The following COPS2 variants were observed in gnomAD, a reference collection of about 807,000 sequenced individuals.
COPS2 encodes COP9 signalosome complex subunit 2.
A neutral mutation model predicts 66.1 loss-of-function variants in COPS2; 10 were observed. That is an observed-to-expected ratio of 0.15 (90% CI 0.09 to 0.26). COPS2 has a LOEUF of 0.26. Among genes scored for constraint, COPS2 ranks in the 10% least tolerant of loss-of-function variants. The pLI is 1.00. For synonymous variants in COPS2, 179 were observed against 171.3 expected, an observed-to-expected ratio of 1.04 and a Z score of -0.35; for missense variants, 215 against 513.3, an observed-to-expected ratio of 0.42 and a Z score of 5.62.
intron 1 of COPS2, among the ~76,000 whole-genome samples, chr15:49,151,857 G>A (rs111598276): frequency 4.4e-4 from 66 of 149,850 alleles, no homozygotes; most frequent in African/African-American, 1.6e-3. Flanking sequence ...TTCTTCTTGG[G>A]CAGAAATCAT....
chr15:49,155,236 C>A (rs2084413758), intron 1 of COPS2, among the ~76,000 whole-genome samples: 1 of 152,244 alleles, frequency 6.6e-6, no homozygotes, highest in Non-Finnish European at 1.5e-5. Context: ...AGACAGAGAA[C>A]CGAACGCCTG....
At chr15:49,129,827 T>C (rs1223689748) in intron 10 of COPS2, among the ~76,000 whole-genome samples, 1 of 152,210 alleles carries the variant, frequency 6.6e-6, no homozygotes, top group Admixed American at 6.5e-5. Flanking sequence ...ATTACACTAC[T>C]TATCATTTCC....
intron 1 of COPS2, among the ~76,000 whole-genome samples, chr15:49,151,437 T>A (rs1015091225): frequency 6.6e-6 from 1 of 151,774 alleles, no homozygotes; most frequent in African/African-American, 2.4e-5. Flanking sequence ...ATATATAATA[T>A]CCTACATATA....
chr15:49,130,944 G>A (rs2084203576), intron 9 of COPS2, 128 bp from the exon 10 acceptor site: 1 of 456,780 alleles, frequency 2.2e-6, no homozygotes, highest in Non-Finnish European at 3.9e-6. Context: ...TTTCTGTCAT[G>A]GAAATCACAG....
rs149001184 is a variant in COPS2 at position 49,139,676 on chromosome 15, T to C, written c.247-23A>G. On this transcript the variant is annotated intron_variant, in intron 3 of 12. Transcript: ENST00000388901. ...TGTCTGTGAGAAAAGAAAAATGAAT[T>C]ATCAGATGCAAATTTAGGTACTAAA... 10,680 of 1,558,222 alleles carry C rather than the reference T, an allele frequency of 6.9e-3. 74 individuals are homozygous for C. Among genetic ancestry groups the C allele is most frequent in the Middle Eastern group, 0.022 (128 of 5,752 alleles).
intron 3 of COPS2, among the ~76,000 whole-genome samples, chr15:49,143,715 G>A (rs899325024): frequency 7.9e-5 from 12 of 152,156 alleles, no homozygotes; most frequent in Admixed American, 2.6e-4. Flanking sequence ...GGCAGGGTGC[G>A]GTGGCTCACG....
rs2084149560 is a variant in COPS2 at position 49,124,498 on chromosome 15, A to G, written c.*3452T>C. On this transcript the variant is annotated 3_prime_UTR_variant, in exon 13 of 13. Coordinates refer to ENST00000388901, the MANE Select transcript of COPS2 (RefSeq NM_004236.4). ...AAGAAAACCTCCAGAAAAAGAAAAAAAGAGGAAAATTTTAATTGTGGTCAC... is the reference window on the plus strand; with the variant it reads ...AAGAAAACCTCCAGAAAAAGAAAAAGAGAGGAAAATTTTAATTGTGGTCAC... 1 of 152,162 alleles carries G rather than the reference A, an allele frequency of 6.6e-6. No homozygotes were observed. Among genetic ancestry groups the G allele is most frequent in the South Asian group, 2.1e-4 (1 of 4,834 alleles). 9.4% of individuals were successfully genotyped at this position (152,162 alleles called of 1,614,324 possible).
chr15:49,143,702 C>A (rs1030400067), intron 3 of COPS2, among the ~76,000 whole-genome samples: 1 of 152,086 alleles, frequency 6.6e-6, no homozygotes, highest in Non-Finnish European at 1.5e-5. Flanking sequence ...ATAATGCAGC[C>A]CTGGCAGGGT....
At chr15:49,139,446 C>A (rs1269456225) in intron 4 of COPS2, 82 bp downstream of exon 4, 1 of 1,084,896 alleles carries the variant, frequency 9.2e-7, no homozygotes, top group African/African-American at 1.6e-5. Flanking sequence ...AAGCTCTAGG[C>A]CTTTCCATCT....
chr15:49,131,288 A>G (rs1029366832), intron 9 of COPS2, among the ~76,000 whole-genome samples: 7 of 152,140 alleles, frequency 4.6e-5, no homozygotes, highest in African/African-American at 1.4e-4. Flanking sequence ...GTTATTCAGA[A>G]AATGCAGCTT....
chr15:49,140,335 G>A (rs2084282542), intron 3 of COPS2, among the ~76,000 whole-genome samples: 1 of 152,048 alleles, frequency 6.6e-6, no homozygotes, highest in South Asian at 2.1e-4. Context: ...CTGCTATGCA[G>A]GATATTAGCT....
chr15:49,155,484 G>T (rs201706108), intron 1 of COPS2, 41 bp downstream of exon 1: 101 of 1,606,004 alleles, frequency 6.3e-5, no homozygotes, highest in Admixed American at 3.5e-4. Context: ...CCGAAAACAA[G>T]ACACATCACC....
At position 49,126,479 on chromosome 15, in the gene COPS2, CCA is replaced by C. The variant is rs964921005; in HGVS notation, c.*1469_*1470del. 2.0e-5 allele frequency: 3 copies of C among 152,470 alleles called. No homozygotes were observed. The highest frequency in any genetic ancestry group is 7.2e-5 in the African/African-American group (3 of 41,420). The allele number at this position is 152,470 out of a possible 1,614,324, so 9.4% of individuals were successfully genotyped here. On this transcript the variant is annotated 3_prime_UTR_variant, in exon 13 of 13. Coordinates refer to ENST00000388901, the MANE Select transcript of COPS2 (RefSeq NM_004236.4). ...ATTCTTGGTTGTCACTCTTCTGTAA[CCA>C]CAATCTTCCTTCTGAACTGCCACCC...
intron 1 of COPS2, among the ~76,000 whole-genome samples, chr15:49,149,219 A>T (rs2663089): frequency 0.53 from 79,924 of 151,974 alleles, 21,521 homozygotes; most frequent in Admixed American, 0.63. Context: ...CCATCCACAC[A>T]ACCAAAATCT....
intron 1 of COPS2, among the ~76,000 whole-genome samples, chr15:49,147,753 A>G (rs917017177): frequency 6.7e-6 from 1 of 150,358 alleles, no homozygotes; most frequent in East Asian, 1.9e-4. Context: ...AAAAAATCAC[A>G]ATGACTGAGA....
chr15:49,149,822 A>T (rs1339995603), intron 1 of COPS2, among the ~76,000 whole-genome samples: 1 of 152,210 alleles, frequency 6.6e-6, no homozygotes, highest in Admixed American at 6.5e-5. Flanking sequence ...ATGTTGGCAC[A>T]CTAAGAGGTA....
intron 1 of COPS2, among the ~76,000 whole-genome samples, chr15:49,146,773 G>T (rs1178287038): frequency 1.3e-5 from 2 of 152,230 alleles, no homozygotes; most frequent in Non-Finnish European, 2.9e-5. Context: ...TTAAGCAGGT[G>T]AAATAATTTT....
chr15:49,154,300 C>T lies in COPS2; in HGVS notation c.54+1225G>A, dbSNP rs189343887. ...GAAGTCACTGCCTACAACTGGCTTG[C>T]ACAAACTAAAATGTAAGGTAGAAAC... On this transcript the variant is annotated intron_variant, in intron 1 of 12. Coordinates refer to ENST00000388901, the MANE Select transcript of COPS2 (RefSeq NM_004236.4). Among the ~76,000 whole-genome samples the T allele has an allele frequency of 5.4e-3, 823 of 152,306 alleles. 6 individuals are homozygous for T. The highest frequency in any genetic ancestry group is 8.8e-3 in the Non-Finnish European group (599 of 68,024).
intron 1 of COPS2, among the ~76,000 whole-genome samples, chr15:49,152,674 T>C (rs2084371100): frequency 6.6e-6 from 1 of 151,832 alleles, no homozygotes; most frequent in Non-Finnish European, 1.5e-5. Context: ...ACACAAAAAA[T>C]TAGTCAGGTG....
Sources: gnomAD v4.1 joint callset for allele counts (sites outside exome capture counted in the v4.1 genomes callset) on GRCh38, gnomAD v4.1.1 for gene constraint, MANE v1.5 for transcripts, NCBI Gene and HGNC (gene_info 2026-07-23, HGNC 2026-07-21) for gene names.